The following PDK1 variants were observed in gnomAD, a reference collection of about 807,000 sequenced individuals.
PDK1 encodes the protein pyruvate dehydrogenase kinase 1.
PDK1 carries 39 observed loss-of-function variants against 54.2 expected under a neutral mutation model. That is an observed-to-expected ratio of 0.72 (90% CI 0.56 to 0.94). The LOEUF is 0.94. PDK1 is among the 40% of genes least tolerant of loss of function. The pLI, the probability that PDK1 is intolerant of heterozygous loss-of-function variation, is 0.00. For missense variants in PDK1, 552 were observed against 566.0 expected, an observed-to-expected ratio of 0.98 and a Z score of 0.25; for synonymous variants, 221 against 207.1, an observed-to-expected ratio of 1.07 and a Z score of -0.58.
chr2:172,683,833 C>A, the PDK1 span, among the ~76,000 whole-genome samples: 36,397 of 151,982 alleles, frequency 0.24, 4,958 homozygotes, highest in East Asian at 0.56. Context: ...GAAAACCAAG[C>A]GAGTGGTGTG....
the PDK1 span, among the ~76,000 whole-genome samples, chr2:172,621,108 C>G: frequency 6.6e-6 from 1 of 152,188 alleles, no homozygotes; most frequent in East Asian, 1.9e-4. Context: ...GGCAAAACCC[C>G]ATCTCTACTA....
chr2:172,662,321 G>A, the PDK1 span, among the ~76,000 whole-genome samples: 1 of 152,122 alleles, frequency 6.6e-6, no homozygotes, highest in African/African-American at 2.4e-5. Flanking sequence ...GCCCTCTGTG[G>A]ATGAGAAGAA....
chr2:172,565,314 T>G (rs1432763547), intron 5 of PDK1, among the ~76,000 whole-genome samples: 3 of 152,180 alleles, frequency 2.0e-5, no homozygotes, highest in African/African-American at 7.2e-5. Context: ...TTTTGTTTTG[T>G]TTTGTTTGAG....
chr2:172,676,010 C>T, the PDK1 span, among the ~76,000 whole-genome samples: 1 of 151,982 alleles, frequency 6.6e-6, no homozygotes, highest in African/African-American at 2.4e-5. Context: ...ATAAGTAAAA[C>T]AACAATGCTC....
the PDK1 span, among the ~76,000 whole-genome samples, chr2:172,637,749 G>A: frequency 6.6e-6 from 1 of 152,146 alleles, no homozygotes; most frequent in South Asian, 2.1e-4. Context: ...AGGCTAGAGT[G>A]TAGTGGCGCA....
chr2:172,642,952 A>C, the PDK1 span, among the ~76,000 whole-genome samples: 1 of 151,782 alleles, frequency 6.6e-6, no homozygotes, highest in Admixed American at 6.6e-5. Context: ...GAGAGTTAGG[A>C]AATTTAAGTG....
At chr2:172,704,914 T>C in the PDK1 span, among the ~76,000 whole-genome samples, 1 of 152,200 alleles carries the variant, frequency 6.6e-6, no homozygotes, top group South Asian at 2.1e-4. Context: ...ATACAAAGAA[T>C]TGGAAATCAC....
the PDK1 span, among the ~76,000 whole-genome samples, chr2:172,693,968 A>G: frequency 6.6e-6 from 1 of 152,276 alleles, no homozygotes; most frequent in East Asian, 1.9e-4. Context: ...AAGCCTCATT[A>G]TGTAAGAAGT....
the PDK1 span, among the ~76,000 whole-genome samples, chr2:172,622,336 ATC>A: frequency 8.7e-5 from 10 of 114,888 alleles, no homozygotes; most frequent in African/African-American, 1.6e-4. Flanking sequence ...ATATGTTTAT[ATC>A]TCATATATTG....
Position 172,568,781 on chromosome 2 carries a change from A to T in PDK1, c.810A>T (p.Pro270=), listed in dbSNP as rs146518930. ...AGCCAATACAAGTGGTTTATGTACC[A>T]TCCCATCTCTATCACATGGTGTTTG... ...PGQPIQVVYV[P]SHLYHMVFEL... is the part of the protein sequence containing the mutation. The change falls in exon 7 of 11, where the codon CCA becomes CCT. Residue 270 remains proline (P), a synonymous_variant. Coordinates refer to ENST00000282077, the MANE Select transcript of PDK1 (RefSeq NM_002610.5). 3.0e-4 allele frequency: 475 copies of T among 1,609,554 alleles called. 6 individuals carry two copies. Among genetic ancestry groups the T allele is most frequent in the South Asian group, 2.9e-3 (261 of 90,976 alleles).
the PDK1 span, among the ~76,000 whole-genome samples, chr2:172,722,611 G>C: frequency 6.6e-6 from 1 of 152,220 alleles, no homozygotes; most frequent in Non-Finnish European, 1.5e-5. Context: ...GTCTGAGGCA[G>C]TGTCCAGGCT....
chr2:172,687,346 T>A, the PDK1 span, among the ~76,000 whole-genome samples: 3,702 of 150,892 alleles, frequency 0.025, 149 homozygotes, highest in African/African-American at 0.082. Flanking sequence ...TTTTTTTTTT[T>A]AAAAAAACAT....
At chr2:172,685,096 G>T in the PDK1 span, among the ~76,000 whole-genome samples, 1 of 152,266 alleles carries the variant, frequency 6.6e-6, no homozygotes, top group African/African-American at 2.4e-5. Context: ...TGCCGTGATT[G>T]TAAGTTTCCC....
chr2:172,585,848 G>A (rs1268887756), intron 8 of PDK1, among the ~76,000 whole-genome samples: 1 of 152,040 alleles, frequency 6.6e-6, no homozygotes, highest in Non-Finnish European at 1.5e-5. Context: ...TTGGCAACTT[G>A]GATTGTGTTG....
At chr2:172,633,212 A>C in the PDK1 span, among the ~76,000 whole-genome samples, 1 of 20,794 alleles carries the variant, frequency 4.8e-5, no homozygotes, top group East Asian at 3.8e-3. Flanking sequence ...TTGGCTAATT[A>C]AAAAAAATTT....
the PDK1 span, among the ~76,000 whole-genome samples, chr2:172,682,715 T>C: frequency 1.3e-5 from 2 of 152,050 alleles, no homozygotes; most frequent in African/African-American, 4.8e-5. Context: ...AATACTGAGA[T>C]TTGGAGGTAC....
intron 8 of PDK1, among the ~76,000 whole-genome samples, chr2:172,573,662 G>T (rs1362845570): frequency 6.6e-6 from 1 of 150,376 alleles, no homozygotes; most frequent in Non-Finnish European, 1.5e-5. Context: ...ACTCTCTCTA[G>T]ATATATATAT....
At chr2:172,635,258 T>C in the PDK1 span, among the ~76,000 whole-genome samples, 1 of 152,240 alleles carries the variant, frequency 6.6e-6, no homozygotes, top group African/African-American at 2.4e-5. Context: ...TACCATGCTT[T>C]CTTAGATTCT....
the PDK1 span, among the ~76,000 whole-genome samples, chr2:172,614,824 C>T: frequency 6.6e-6 from 1 of 152,172 alleles, no homozygotes; most frequent in African/African-American, 2.4e-5. Context: ...CCCCAGAGAT[C>T]CTGTAACAAT....
Sources: allele counts gnomAD v4.1 joint callset (sites outside exome capture counted in the v4.1 genomes callset), GRCh38; gene constraint gnomAD v4.1.1; transcripts MANE v1.5; gene names NCBI Gene and HGNC (gene_info 2026-07-23, HGNC 2026-07-21).